The following CCDC175 variants were observed in gnomAD, a reference collection of about 807,000 sequenced individuals.
CCDC175 encodes the protein coiled-coil domain-containing protein 175.
In CCDC175, 100 loss-of-function variants were observed where a neutral mutation model predicts 114.6. That is an observed-to-expected ratio of 0.87 (90% CI 0.74 to 1.03). CCDC175 has a LOEUF of 1.03. Ranked by LOEUF, CCDC175 falls within the 50% of genes least tolerant of loss-of-function variation. The pLI is 0.00. For synonymous variants in CCDC175, 306 were observed against 308.7 expected, an observed-to-expected ratio of 0.99 and a Z score of 0.09; for missense variants, 880 against 917.8, an observed-to-expected ratio of 0.96 and a Z score of 0.53.
intron 8 of CCDC175, 143 bp downstream of exon 8, chr14:59,551,211 AT>A (rs952551603): frequency 8.2e-6 from 4 of 487,482 alleles, no homozygotes; most frequent in African/African-American, 6.0e-5. Flanking sequence ...AGGAGATAAA[AT>A]TTTTTAAATT....
rs77831885 is a variant in CCDC175 at position 59,509,790 on chromosome 14, A to G, written c.2305+856T>C. On this transcript the variant is annotated intron_variant, in intron 19 of 19. Transcript: ENST00000537690. ...CTCCCAAAGTGCTGGGATTATAACCATGAGTCACTGCATGCAGCTCTTTTT... is the reference window on the plus strand; with the variant it reads ...CTCCCAAAGTGCTGGGATTATAACCGTGAGTCACTGCATGCAGCTCTTTTT... Among the ~76,000 whole-genome samples the G allele has an allele frequency of 2.8e-3, 425 of 152,262 alleles. 2 individuals are homozygous for G. Among genetic ancestry groups the G allele is most frequent in the African/African-American group, 9.9e-3 (410 of 41,544 alleles).
At chr14:59,514,001 T>G (rs1458440737) in intron 17 of CCDC175, among the ~76,000 whole-genome samples, 1 of 152,192 alleles carries the variant, frequency 6.6e-6, no homozygotes, top group Non-Finnish European at 1.5e-5. Flanking sequence ...CAACATTTGA[T>G]GTTCACCAAT....
At chr14:59,543,116 A>G (rs532766537) in intron 10 of CCDC175, among the ~76,000 whole-genome samples, 1 of 152,266 alleles carries the variant, frequency 6.6e-6, no homozygotes, top group East Asian at 1.9e-4. Flanking sequence ...CTGCACCCCA[A>G]CTGGTCCATT....
intron 13 of CCDC175, among the ~76,000 whole-genome samples, chr14:59,537,016 C>T (rs964932319): frequency 1.3e-5 from 2 of 152,076 alleles, no homozygotes; most frequent in African/African-American, 4.8e-5. Flanking sequence ...CTCCTGACAT[C>T]GTGATCCACC....
At chr14:59,529,068 G>A (rs1893915286) in intron 14 of CCDC175, among the ~76,000 whole-genome samples, 1 of 152,186 alleles carries the variant, frequency 6.6e-6, no homozygotes, top group Non-Finnish European at 1.5e-5. Context: ...AGTCCTGGGT[G>A]AGCTTCAATA....
chr14:59,559,626 A>C (rs1224163500), intron 7 of CCDC175, among the ~76,000 whole-genome samples: 1 of 152,124 alleles, frequency 6.6e-6, no homozygotes, highest in African/African-American at 2.4e-5. Context: ...AAATCCACCA[A>C]GCGGGAACTA....
chr14:59,568,990 A>C (rs1595080807), intron 3 of CCDC175, among the ~76,000 whole-genome samples: 1 of 152,230 alleles, frequency 6.6e-6, no homozygotes, highest in South Asian at 2.1e-4. Flanking sequence ...ATAATGCAAA[A>C]GCCATTGCCT....
chr14:59,518,934 A>G (rs2139975708), intron 17 of CCDC175, among the ~76,000 whole-genome samples: 1 of 152,340 alleles, frequency 6.6e-6, no homozygotes. Context: ...TCCAACAACA[A>G]TAGACTGGAT....
At chr14:59,514,925 G>T (rs905366228) in intron 17 of CCDC175, among the ~76,000 whole-genome samples, 1 of 152,172 alleles carries the variant, frequency 6.6e-6, no homozygotes, top group Non-Finnish European at 1.5e-5. Flanking sequence ...AGAAAGGTCG[G>T]GTTACCCACA....
At chr14:59,526,959 T>C in intron 15 of CCDC175, 136 bp downstream of exon 15, 1 of 534,748 alleles carries the variant, frequency 1.9e-6, no homozygotes. Flanking sequence ...CAAAGATTGT[T>C]AAACATTGAT....
intron 3 of CCDC175, among the ~76,000 whole-genome samples, chr14:59,572,014 A>G (rs7143111): frequency 0.91 from 138,534 of 152,150 alleles, 63,260 homozygotes; most frequent in East Asian, 1. Flanking sequence ...TTATGGATTA[A>G]GGATGTTCAA....
At chr14:59,544,797 G>A (rs1021675908) in intron 9 of CCDC175, among the ~76,000 whole-genome samples, 27 of 152,122 alleles carry the variant, frequency 1.8e-4, no homozygotes, top group Admixed American at 1.6e-3. Flanking sequence ...GTTTGGATGA[G>A]GACATGAGGG....
chr14:59,543,962 G>A (rs1490469707), intron 9 of CCDC175, among the ~76,000 whole-genome samples: 2 of 152,186 alleles, frequency 1.3e-5, no homozygotes, highest in Admixed American at 6.5e-5. Context: ...TCCATGGAAG[G>A]TGAAGGAGTC....
At chr14:59,513,691 A>G (rs1012157786) in intron 17 of CCDC175, among the ~76,000 whole-genome samples, 8 of 152,200 alleles carry the variant, frequency 5.3e-5, no homozygotes, top group Admixed American at 2.0e-4. Flanking sequence ...GGTAGAGCCC[A>G]CCGCAGCTCA....
chr14:59,570,080 G>T lies in CCDC175; in HGVS notation c.356-1700C>A, dbSNP rs142817579. ...GTTAGGGGTACCTGCCCACAGAGAG[G>T]TGCCATGCTTCAGAACTCACTACAA... On this transcript the variant is annotated intron_variant, in intron 3 of 19. Transcript: ENST00000537690. Among the ~76,000 whole-genome samples the T allele has an allele frequency of 8.6e-3, 1,306 of 152,234 alleles. 8 individuals carry two copies. Among genetic ancestry groups the T allele is most frequent in the Non-Finnish European group, 0.013 (891 of 68,000 alleles).
intron 6 of CCDC175, 140 bp from the exon 7 acceptor site, chr14:59,561,368 TA>T (rs1896220299): frequency 2.1e-6 from 1 of 465,440 alleles, no homozygotes; most frequent in Admixed American, 3.8e-5. Context: ...AAGCAATCAT[TA>T]TAATTGTTTC....
intron 4 of CCDC175, 114 bp downstream of exon 4, chr14:59,568,131 A>G: frequency 3.8e-6 from 4 of 1,054,178 alleles, no homozygotes; most frequent in Non-Finnish European, 5.2e-6. Flanking sequence ...AGCCATCTTC[A>G]CCTCTCAACT....
intron 17 of CCDC175, among the ~76,000 whole-genome samples, chr14:59,518,811 T>A (rs557775031): frequency 9.3e-4 from 142 of 152,220 alleles, no homozygotes; most frequent in African/African-American, 3.4e-3. Context: ...AGCCATCCCA[T>A]TACTGGGTAT....
chr14:59,576,530 G>A (rs1897129843), intron 1 of CCDC175, 89 bp downstream of exon 1: 3 of 1,234,570 alleles, frequency 2.4e-6, no homozygotes, highest in Non-Finnish European at 3.2e-6. Flanking sequence ...GGTTCCGGGA[G>A]GAGAGTCCCC....
Sources: gnomAD v4.1 joint callset for allele counts (sites outside exome capture counted in the v4.1 genomes callset) on GRCh38, gnomAD v4.1.1 for gene constraint, MANE v1.5 for transcripts, NCBI Gene and HGNC (gene_info 2026-07-23, HGNC 2026-07-21) for gene names.